CTNNA2: variants seen among roughly 807,000 people sequenced by gnomAD.
The protein encoded by CTNNA2 is catenin alpha-2.
A neutral mutation model predicts 101.0 loss-of-function variants in CTNNA2; 42 were observed. That is an observed-to-expected ratio of 0.42 (90% CI 0.32 to 0.54). CTNNA2 has a LOEUF of 0.54. Ranked by LOEUF, CTNNA2 falls within the 20% of genes least tolerant of loss-of-function variation. The pLI, the probability that CTNNA2 is intolerant of heterozygous loss-of-function variation, is 0.14. For synonymous variants in CTNNA2, 450 were observed against 456.4 expected (o/e 0.99, Z 0.18); for missense variants, 871 against 1,223.1 (o/e 0.71, Z 4.29).
intron 2 of CTNNA2, among the ~76,000 whole-genome samples, chr2:79,717,240 A>T (rs1686168227): frequency 6.6e-6 from 1 of 152,200 alleles, no homozygotes; most frequent in Admixed American, 6.5e-5. Flanking sequence ...CATTCATTGG[A>T]TGGAAAGAAA....
chr2:80,585,433 T>C (rs1480584891), intron 14 of CTNNA2, among the ~76,000 whole-genome samples: 1 of 152,148 alleles, frequency 6.6e-6, no homozygotes, highest in East Asian at 1.9e-4. Flanking sequence ...ATCAGGCAGA[T>C]CAACAATTTG....
At chr2:79,805,255 A>C (rs1391679366) in intron 3 of CTNNA2, among the ~76,000 whole-genome samples, 1 of 152,200 alleles carries the variant, frequency 6.6e-6, no homozygotes, top group Non-Finnish European at 1.5e-5. Flanking sequence ...GCACATTTTT[A>C]GATTTTGAAA....
intron 3 of CTNNA2, among the ~76,000 whole-genome samples, chr2:79,771,044 T>G (rs542946411): frequency 6.6e-6 from 1 of 152,296 alleles, no homozygotes; most frequent in African/African-American, 2.4e-5. Flanking sequence ...CAGCCTATTT[T>G]TTGTTGTTGA....
intron 7 of CTNNA2, among the ~76,000 whole-genome samples, chr2:80,049,487 A>G (rs958523926): frequency 3.3e-5 from 5 of 152,206 alleles, no homozygotes; most frequent in African/African-American, 1.2e-4. Context: ...TCACATTTTT[A>G]CCTGGAGCTC....
chr2:80,627,402 C>G (rs917907725), intron 18 of CTNNA2, among the ~76,000 whole-genome samples: 2 of 151,976 alleles, frequency 1.3e-5, no homozygotes, highest in African/African-American at 4.8e-5. Context: ...TTTTAATGAT[C>G]GCCATTCTAA....
chr2:79,315,964 T>C lies in CTNNA2; in HGVS notation c.-318+3168T>C, dbSNP rs183374939. 5.4e-3 allele frequency among the ~76,000 whole-genome samples: 824 copies of C among 152,242 alleles called. 6 individuals are homozygous for C. The highest frequency in any genetic ancestry group is 0.019 in the African/African-American group (771 of 41,566). On this transcript the variant is annotated intron_variant, in intron 3 of 21. Transcript: ENST00000466387. ...TAGCCATATATTTTCACTGATGATGTCTTTTCAAGGACAAAAGATTTTAAT... is the reference window on the plus strand; with the variant it reads ...TAGCCATATATTTTCACTGATGATGCCTTTTCAAGGACAAAAGATTTTAAT...
chr2:79,435,410 G>T (rs1249268788), intron 4 of CTNNA2, among the ~76,000 whole-genome samples: 2 of 152,066 alleles, frequency 1.3e-5, no homozygotes, highest in Non-Finnish European at 2.9e-5. Context: ...TCAAACCTCT[G>T]TTAGATGCAG....
intron 2 of CTNNA2, among the ~76,000 whole-genome samples, chr2:79,296,901 G>A (rs1262493942): frequency 6.6e-6 from 1 of 152,180 alleles, no homozygotes; most frequent in South Asian, 2.1e-4. Flanking sequence ...CTTAATTGGG[G>A]TCTGCTCATG....
chr2:79,931,728 T>A (rs186989633), intron 7 of CTNNA2, among the ~76,000 whole-genome samples: 235 of 152,272 alleles, frequency 1.5e-3, no homozygotes, highest in African/African-American at 5.3e-3. Flanking sequence ...CACCTTTCAG[T>A]TGGTAGTACC....
At chr2:80,533,595 C>T (rs1332901382) in intron 9 of CTNNA2, among the ~76,000 whole-genome samples, 3 of 152,154 alleles carry the variant, frequency 2.0e-5, no homozygotes, top group Admixed American at 6.5e-5. Context: ...ATGTCAAGCA[C>T]CGGATGGTTC....
intron 4 of CTNNA2, among the ~76,000 whole-genome samples, chr2:79,867,639 A>T (rs1682241967): frequency 1.3e-5 from 2 of 152,210 alleles, no homozygotes; most frequent in African/African-American, 2.4e-5. Flanking sequence ...ATTTTATTGA[A>T]TTATAAGAAA....
At chr2:79,215,642 G>GA (rs1674245320) in intron 2 of CTNNA2, among the ~76,000 whole-genome samples, 1 of 152,066 alleles carries the variant, frequency 6.6e-6, no homozygotes, top group African/African-American at 2.4e-5. Flanking sequence ...TACTGGGCTG[G>GA]GTTTTTATAT....
At chr2:80,290,163 GA>G (rs1367152585) in intron 7 of CTNNA2, among the ~76,000 whole-genome samples, 2 of 152,178 alleles carry the variant, frequency 1.3e-5, no homozygotes, top group African/African-American at 4.8e-5. Context: ...TTGAGGTACA[GA>G]AAAGTGCTGA....
intron 17 of CTNNA2, among the ~76,000 whole-genome samples, chr2:80,614,880 T>C (rs1349466765): frequency 6.6e-6 from 1 of 151,354 alleles, no homozygotes; most frequent in Non-Finnish European, 1.5e-5. Context: ...TTAGAAATGG[T>C]GTCTGTAAAT....
chr2:80,643,852 G>A (rs757488311), intron 18 of CTNNA2, among the ~76,000 whole-genome samples: 1 of 152,150 alleles, frequency 6.6e-6, no homozygotes, highest in Non-Finnish European at 1.5e-5. Context: ...TGAGCTCTGG[G>A]CAGCAACATA....
At chr2:79,391,405 TCTTA>T (rs1390733907) in intron 4 of CTNNA2, among the ~76,000 whole-genome samples, 2 of 152,216 alleles carry the variant, frequency 1.3e-5, no homozygotes, top group Admixed American at 6.5e-5. Flanking sequence ...GTTTGTTTTC[TCTTA>T]CTTTATTGTA....
At chr2:80,180,993 T>A (rs2148980262) in intron 7 of CTNNA2, among the ~76,000 whole-genome samples, 1 of 152,334 alleles carries the variant, frequency 6.6e-6, no homozygotes, top group East Asian at 1.9e-4. Flanking sequence ...CCTTCCATCA[T>A]TATCCCATAC....
intron 1 of CTNNA2, among the ~76,000 whole-genome samples, chr2:79,193,307 T>C (rs1673899147): frequency 6.6e-6 from 1 of 152,210 alleles, no homozygotes; most frequent in South Asian, 2.1e-4. Flanking sequence ...AGACCACCTA[T>C]GTGACTGTGG....
At chr2:79,540,772 T>G (rs978948655) in intron 1 of CTNNA2, among the ~76,000 whole-genome samples, 3 of 152,074 alleles carry the variant, frequency 2.0e-5, no homozygotes, top group Non-Finnish European at 4.4e-5. Context: ...TTCCGTGACT[T>G]TGCTTTGTGT....
Sources: gnomAD v4.1 joint callset for allele counts (sites outside exome capture counted in the v4.1 genomes callset) on GRCh38, gnomAD v4.1.1 for gene constraint, MANE v1.5 for transcripts, NCBI Gene and HGNC (gene_info 2026-07-23, HGNC 2026-07-21) for gene names.